Variants in SAMD5 observed in about 807,000 individuals in gnomAD.
The protein encoded by SAMD5 is sterile alpha motif domain-containing protein 5.
Under a neutral mutation model 11.3 loss-of-function variants are expected in SAMD5, and 13 were observed. The ratio of observed to expected loss-of-function variants is 1.15; its 90% CI spans 0.75 to 1.83. The LOEUF is 1.83. Ranked by LOEUF, SAMD5 falls within the 40% of genes most tolerant of loss-of-function variation. SAMD5 has a pLI of 0.00. For synonymous variants in SAMD5, 129 were observed against 111.3 expected (o/e 1.16, Z -1.00); for missense variants, 255 against 239.1 (o/e 1.07, Z -0.44).
rs1789009325 is a variant in SAMD5 at position 147,564,708 on chromosome 6, A to C, written c.*252A>C. The C allele has an allele frequency of 1.3e-5, 16 of 1,204,806 alleles. No individual in the cohort carries two copies. Among genetic ancestry groups the C allele is most frequent in the Non-Finnish European group, 1.6e-5 (15 of 964,598 alleles). The allele number at this position is 1,204,806 out of a possible 1,614,324, so 74.6% of individuals were successfully genotyped here. On this transcript the variant is annotated 3_prime_UTR_variant, in exon 2 of 2. Coordinates refer to ENST00000367474, the MANE Select transcript of SAMD5 (RefSeq NM_001030060.3). ...GAGTTCATTTTTTTAAGAAGATATCATGATGAGATACAGTCTTATGCATTT... is the reference window on the plus strand; with the variant it reads ...GAGTTCATTTTTTTAAGAAGATATCCTGATGAGATACAGTCTTATGCATTT...
chr6:147,558,388 A>G (rs922150433), intron 1 of SAMD5, among the ~76,000 whole-genome samples: 1 of 152,144 alleles, frequency 6.6e-6, no homozygotes, highest in African/African-American at 2.4e-5. Flanking sequence ...ATTTATGGCT[A>G]TTTCTGTTCT....
At chr6:147,854,060 G>T in the SAMD5 span, among the ~76,000 whole-genome samples, 1 of 152,100 alleles carries the variant, frequency 6.6e-6, no homozygotes, top group South Asian at 2.1e-4. Flanking sequence ...AATCTCTCTG[G>T]GTTTTTAATA....
chr6:147,682,475 A>G (rs999384233), intron 1 of SAMD5, among the ~76,000 whole-genome samples: 4 of 152,072 alleles, frequency 2.6e-5, no homozygotes, highest in African/African-American at 9.7e-5. Context: ...TGATCACTCC[A>G]AGGTGCACCC....
chr6:147,719,202 T>A (rs1167299607), intron 1 of SAMD5, among the ~76,000 whole-genome samples: 3 of 152,158 alleles, frequency 2.0e-5, no homozygotes, highest in African/African-American at 7.2e-5. Context: ...CTGGAAAAAG[T>A]CACATCAGGA....
downstream of SAMD5, among the ~76,000 whole-genome samples, chr6:147,574,635 G>C (rs1005999368): frequency 1.3e-5 from 2 of 152,170 alleles, no homozygotes; most frequent in African/African-American, 4.8e-5. Context: ...ACTTCTGGAG[G>C]CTGGGAAGTC....
the SAMD5 span, among the ~76,000 whole-genome samples, chr6:147,839,401 C>T: frequency 6.6e-6 from 1 of 152,142 alleles, no homozygotes; most frequent in African/African-American, 2.4e-5. Flanking sequence ...GATTTGTAAT[C>T]AGCATATCAG....
At chr6:147,787,391 T>G in the SAMD5 span, among the ~76,000 whole-genome samples, 1 of 152,222 alleles carries the variant, frequency 6.6e-6, no homozygotes, top group Admixed American at 6.5e-5. Context: ...TCTTACTTTT[T>G]GATAATTTCT....
chr6:147,569,488 A>T lies in SAMD5; in HGVS notation c.*5032A>T, dbSNP rs1037244803. On this transcript the variant is annotated 3_prime_UTR_variant, in exon 2 of 2. Transcript: ENST00000367474. ...TCTACAATAAATCTACTTTCTAAAT[A>T]TTATTTAAGATGGGAAATGTCTTTT... is the stretch of plus-strand genomic sequence containing the variant. 4.7e-5 allele frequency: 42 copies of T among 894,386 alleles called. No homozygotes were observed. The African/African-American group carries it at 7.2e-4, about 15-fold the overall frequency. 55.4% of individuals were successfully genotyped at this position (894,386 alleles called of 1,614,324 possible).
At chr6:147,789,860 G>A in the SAMD5 span, among the ~76,000 whole-genome samples, 1 of 152,242 alleles carries the variant, frequency 6.6e-6, no homozygotes, top group African/African-American at 2.4e-5. Flanking sequence ...TTCTCATTAA[G>A]GAAATATAAA....
In SAMD5 at chr6:147,518,878, A is replaced by G. The variant is rs147522445; in HGVS notation, c.459+9491A>G. ...TGGGGAGGCCTGAGAGTAGTGAGGG[A>G]GTCCCCATTTTCAGTCAATATAAAA... On this transcript the variant is annotated intron_variant, in intron 1 of 1. Transcript: ENST00000367474. Among the ~76,000 whole-genome samples the G allele has an allele frequency of 5.3e-3, 813 of 152,318 alleles. 5 individuals are homozygous for G. The highest frequency in any genetic ancestry group is 0.018 in the African/African-American group (741 of 41,576).
intron 1 of SAMD5, among the ~76,000 whole-genome samples, chr6:147,698,768 T>A (rs1791213790): frequency 6.6e-6 from 1 of 151,650 alleles, no homozygotes. Flanking sequence ...GGTAAACAAA[T>A]AAACAAGACT....
chr6:147,716,557 G>A (rs1018803500), intron 1 of SAMD5, among the ~76,000 whole-genome samples: 2 of 152,202 alleles, frequency 1.3e-5, no homozygotes, highest in Non-Finnish European at 2.9e-5. Context: ...GGCAGCCACA[G>A]CTGCACCCAG....
chr6:147,867,722 C>T, the SAMD5 span, among the ~76,000 whole-genome samples: 1 of 152,122 alleles, frequency 6.6e-6, no homozygotes, highest in African/African-American at 2.4e-5. Context: ...ATTGGTCCTT[C>T]TAGTTGGCTT....
chr6:147,909,630 TTCTC>T, the SAMD5 span, among the ~76,000 whole-genome samples: 1 of 44,536 alleles, frequency 2.2e-5, no homozygotes, highest in African/African-American at 1.3e-4. Flanking sequence ...CTTTCTTTCT[TTCTC>T]TTTCTTGTCT....
intron 1 of SAMD5, among the ~76,000 whole-genome samples, chr6:147,532,060 G>A (rs1374309691): frequency 4.6e-5 from 7 of 152,168 alleles, no homozygotes; most frequent in Admixed American, 4.6e-4. Flanking sequence ...ACAAATGTTT[G>A]TCTCTTTTTT....
intron 1 of SAMD5, among the ~76,000 whole-genome samples, chr6:147,647,419 G>C (rs1790422330): frequency 6.6e-6 from 1 of 152,042 alleles, no homozygotes; most frequent in East Asian, 1.9e-4. Context: ...GCTTGAAAGA[G>C]GGGGGTTTGA....
intron 1 of SAMD5, among the ~76,000 whole-genome samples, chr6:147,662,534 C>T (rs1455915299): frequency 6.6e-6 from 1 of 152,102 alleles, no homozygotes; most frequent in African/African-American, 2.4e-5. Flanking sequence ...ACCAAGGAAC[C>T]TGGTCATGGA....
intron 1 of SAMD5, among the ~76,000 whole-genome samples, chr6:147,531,883 G>T (rs1035768458): frequency 3.9e-5 from 6 of 152,044 alleles, no homozygotes; most frequent in African/African-American, 1.4e-4. Context: ...TCATCAAACA[G>T]TTTTAAAAAG....
chr6:147,589,605 A>T (rs1789425538), intron 1 of SAMD5, among the ~76,000 whole-genome samples: 1 of 152,146 alleles, frequency 6.6e-6, no homozygotes, highest in African/African-American at 2.4e-5. Flanking sequence ...CACTTCTTAG[A>T]AAGGCAGTAA....
Sources: allele counts gnomAD v4.1 joint callset (sites outside exome capture counted in the v4.1 genomes callset), GRCh38; gene constraint gnomAD v4.1.1; transcripts MANE v1.5; gene names NCBI Gene and HGNC (gene_info 2026-07-23, HGNC 2026-07-21).